Variants in ZBTB7C observed in about 807,000 individuals in gnomAD.
ZBTB7C encodes zinc finger and BTB domain-containing protein 7C.
ZBTB7C carries 8 observed loss-of-function variants against 25.7 expected under a neutral mutation model. The ratio of observed to expected loss-of-function variants is 0.31; its 90% CI spans 0.18 to 0.56. The LOEUF (loss-of-function observed/expected upper bound fraction) is 0.56. ZBTB7C is among the 20% of genes least tolerant of loss of function. The pLI is 0.91. For synonymous variants in ZBTB7C, 394 were observed against 369.0 expected (o/e 1.07, Z -0.78); for missense variants, 824 against 855.2 (o/e 0.96, Z 0.46).
At chr18:48,151,106 C>T (rs1008218778) in intron 3 of ZBTB7C, among the ~76,000 whole-genome samples, 4 of 152,130 alleles carry the variant, frequency 2.6e-5, no homozygotes, top group Admixed American at 2.6e-4. Flanking sequence ...TGGTTAGTGG[C>T]CCCTGGTTGA....
chr18:48,046,353 C>G (rs2036467900), intron 3 of ZBTB7C, among the ~76,000 whole-genome samples: 1 of 152,148 alleles, frequency 6.6e-6, no homozygotes, highest in African/African-American at 2.4e-5. Context: ...ACACCTTTTT[C>G]TAATTCTCAC....
At chr18:48,230,421 C>T (rs987862152) in intron 2 of ZBTB7C, among the ~76,000 whole-genome samples, 5 of 151,366 alleles carry the variant, frequency 3.3e-5, no homozygotes, top group African/African-American at 1.2e-4. Context: ...CCTGTGTATT[C>T]CTTTTCCTTG....
At chr18:48,220,063 C>A (rs951383880) in intron 2 of ZBTB7C, among the ~76,000 whole-genome samples, 5 of 152,192 alleles carry the variant, frequency 3.3e-5, no homozygotes, top group African/African-American at 1.2e-4. Flanking sequence ...GCTCACCAGA[C>A]CCATTCTCTG....
At chr18:48,046,733 T>C (rs905088318) in intron 3 of ZBTB7C, among the ~76,000 whole-genome samples, 12 of 151,992 alleles carry the variant, frequency 7.9e-5, no homozygotes, top group African/African-American at 2.9e-4. Context: ...GTGGATCTTC[T>C]GTGCTTTGAG....
At chr18:48,164,337 AG>A (rs939862241) in intron 3 of ZBTB7C, among the ~76,000 whole-genome samples, 7 of 152,178 alleles carry the variant, frequency 4.6e-5, no homozygotes, top group African/African-American at 1.7e-4. Context: ...GGTGCTGCCT[AG>A]GGGAGCTGAA....
intron 3 of ZBTB7C, among the ~76,000 whole-genome samples, chr18:48,157,282 G>A (rs149468242): frequency 1.3e-5 from 2 of 152,138 alleles, no homozygotes; most frequent in Non-Finnish European, 2.9e-5. Context: ...TAGACAATAG[G>A]TTTGGCTTGG....
chr18:48,310,201 G>A (rs978774998), intron 2 of ZBTB7C, among the ~76,000 whole-genome samples: 2 of 150,868 alleles, frequency 1.3e-5, no homozygotes, highest in Non-Finnish European at 2.9e-5. Flanking sequence ...CTGCACTCCA[G>A]CCTGGGCAAC....
intron 3 of ZBTB7C, among the ~76,000 whole-genome samples, chr18:48,157,124 C>A (rs1313565341): frequency 1.3e-5 from 2 of 152,176 alleles, no homozygotes; most frequent in Non-Finnish European, 2.9e-5. Context: ...TCTGGGTGAC[C>A]TTAGACAGCT....
At chr18:48,314,685 G>A (rs1309581189) in intron 2 of ZBTB7C, among the ~76,000 whole-genome samples, 1 of 151,966 alleles carries the variant, frequency 6.6e-6, no homozygotes, top group Non-Finnish European at 1.5e-5. Context: ...CTTCAACAAG[G>A]GCTCTCCAGC....
At chr18:48,232,688 G>C (rs377378538) in intron 2 of ZBTB7C, among the ~76,000 whole-genome samples, 1 of 152,180 alleles carries the variant, frequency 6.6e-6, no homozygotes, top group South Asian at 2.1e-4. Context: ...TAAGTCTGTG[G>C]CTGAACTGGA....
chr18:48,302,865 T>A (rs1391863041), intron 2 of ZBTB7C, among the ~76,000 whole-genome samples: 2 of 152,228 alleles, frequency 1.3e-5, no homozygotes, highest in Non-Finnish European at 2.9e-5. Flanking sequence ...CTTGAAGTCA[T>A]CAGGAACCAG....
intron 3 of ZBTB7C, among the ~76,000 whole-genome samples, chr18:48,170,300 T>C (rs1402010339): frequency 6.6e-6 from 1 of 152,252 alleles, no homozygotes; most frequent in Non-Finnish European, 1.5e-5. Flanking sequence ...GGCTAACTAG[T>C]ATCCAGTCTT....
chr18:48,372,856 T>A (rs796325201), intron 1 of ZBTB7C, among the ~76,000 whole-genome samples: 114 of 152,256 alleles, frequency 7.5e-4, no homozygotes, highest in African/African-American at 2.6e-3. Context: ...TACCTCTCCC[T>A]ACTCCCATCT....
chr18:48,174,832 G>T (rs372276990), intron 3 of ZBTB7C, among the ~76,000 whole-genome samples: 69 of 152,254 alleles, frequency 4.5e-4, no homozygotes, highest in African/African-American at 1.5e-3. Flanking sequence ...TATATATAGT[G>T]CTACCTTTTC....
chr18:48,374,929 C>T (rs4940360), intron 1 of ZBTB7C, among the ~76,000 whole-genome samples: 41,037 of 152,004 alleles, frequency 0.27, 6,713 homozygotes, highest in East Asian at 0.7. Context: ...TTCATACTGG[C>T]GGAATATCCT....
At chr18:48,224,248 G>A (rs1019414184) in intron 2 of ZBTB7C, among the ~76,000 whole-genome samples, 9 of 152,142 alleles carry the variant, frequency 5.9e-5, no homozygotes, top group Admixed American at 3.3e-4. Flanking sequence ...ATACTCATAG[G>A]CTCAGCACCC....
chr18:48,321,856 G>A (rs2046103448), intron 2 of ZBTB7C, among the ~76,000 whole-genome samples: 1 of 152,204 alleles, frequency 6.6e-6, no homozygotes, highest in African/African-American at 2.4e-5. Context: ...AATCTCCAAT[G>A]AGCTGGAGGC....
At chr18:48,322,158 G>C (rs771584389) in intron 2 of ZBTB7C, among the ~76,000 whole-genome samples, 1 of 152,172 alleles carries the variant, frequency 6.6e-6, no homozygotes, top group Non-Finnish European at 1.5e-5. Context: ...GCCTTCATCA[G>C]ATTAGTTTCC....
At chr18:48,150,882 C>T (rs775224936) in intron 3 of ZBTB7C, 3 of 152,184 alleles carry the variant, frequency 2.0e-5, no homozygotes, top group Non-Finnish European at 2.9e-5. Context: ...TGTGCAAGGA[C>T]TGAAGCATGG....
Sources: allele counts gnomAD v4.1 joint callset (sites outside exome capture counted in the v4.1 genomes callset), GRCh38; gene constraint gnomAD v4.1.1; transcripts MANE v1.5; gene names NCBI Gene and HGNC (gene_info 2026-07-23, HGNC 2026-07-21).